The following PGCKA1 variants were observed in gnomAD, a reference collection of about 807,000 sequenced individuals.
The protein encoded by PGCKA1 is PDCD10 and GCKIII kinases-associated protein 1.
At chr4:37,515,476 T>C in the PGCKA1 span, among the ~76,000 whole-genome samples, 11 of 152,308 alleles carry the variant, frequency 7.2e-5, no homozygotes, top group South Asian at 1.5e-3. Context: ...GAAGAATACA[T>C]TGAATGGGAG....
At chr4:37,478,143 C>CAG in the PGCKA1 span, among the ~76,000 whole-genome samples, 1 of 86,978 alleles carries the variant, frequency 1.1e-5, no homozygotes, top group Non-Finnish European at 2.6e-5. Context: ...TTTAAAAACA[C>CAG]CCCCCCCCAC....
At chr4:37,487,852 TTTC>T in the PGCKA1 span, among the ~76,000 whole-genome samples, 1 of 152,224 alleles carries the variant, frequency 6.6e-6, no homozygotes, top group Non-Finnish European at 1.5e-5. Flanking sequence ...CATGTTTCTT[TTTC>T]TTTTTTATTG....
the PGCKA1 span, chr4:37,591,252 T>C: frequency 1.1e-5 from 4 of 380,262 alleles, no homozygotes; most frequent in South Asian, 2.2e-4. Flanking sequence ...ATTGTGCCCA[T>C]ATCCACAGAA....
chr4:37,459,799 CTT>C, the PGCKA1 span, among the ~76,000 whole-genome samples: 7,588 of 136,094 alleles, frequency 0.056, 528 homozygotes, highest in African/African-American at 0.17. Flanking sequence ...AGCTTTCTTT[CTT>C]TTTTTTTTTT....
chr4:37,505,632 G>A, the PGCKA1 span, among the ~76,000 whole-genome samples: 1 of 152,188 alleles, frequency 6.6e-6, no homozygotes, highest in Non-Finnish European at 1.5e-5. Context: ...CAAAGAGAGA[G>A]CTTGCTCAGG....
At chr4:37,527,107 T>G in the PGCKA1 span, among the ~76,000 whole-genome samples, 1 of 151,544 alleles carries the variant, frequency 6.6e-6, no homozygotes, top group Non-Finnish European at 1.5e-5. Context: ...TAAAAAAAAT[T>G]AATTAAAAAA....
chr4:37,483,700 A>AT, the PGCKA1 span, among the ~76,000 whole-genome samples: 1 of 152,060 alleles, frequency 6.6e-6, no homozygotes, highest in South Asian at 2.1e-4. Flanking sequence ...GTGCTTCTGG[A>AT]TTTTTTTTCC....
chr4:37,559,338 G>GC, the PGCKA1 span, among the ~76,000 whole-genome samples: 1 of 134,406 alleles, frequency 7.4e-6, no homozygotes, highest in East Asian at 2.3e-4. Flanking sequence ...GTAAACTATC[G>GC]CAAGAACAAA....
At chr4:37,490,469 A>G in the PGCKA1 span, among the ~76,000 whole-genome samples, 2 of 152,102 alleles carry the variant, frequency 1.3e-5, no homozygotes, top group Non-Finnish European at 2.9e-5. Flanking sequence ...GTTGACTTTA[A>G]TGCAAACGTC....
the PGCKA1 span, among the ~76,000 whole-genome samples, chr4:37,579,811 A>G: frequency 4.6e-5 from 7 of 152,050 alleles, no homozygotes; most frequent in South Asian, 1.5e-3. Context: ...GGATATTGAT[A>G]TATTTCTCTA....
the PGCKA1 span, among the ~76,000 whole-genome samples, chr4:37,529,966 G>T: frequency 6.6e-6 from 1 of 152,040 alleles, no homozygotes; most frequent in Non-Finnish European, 1.5e-5. Flanking sequence ...TATTTGCATT[G>T]TTTTGCTTTG....
chr4:37,464,123 A>G, the PGCKA1 span, among the ~76,000 whole-genome samples: 1 of 152,172 alleles, frequency 6.6e-6, no homozygotes, highest in Non-Finnish European at 1.5e-5. Context: ...CCCTCTATTC[A>G]GTTTAAGTGA....
the PGCKA1 span, among the ~76,000 whole-genome samples, chr4:37,510,350 C>G: frequency 2.6e-5 from 4 of 152,024 alleles, no homozygotes; most frequent in Non-Finnish European, 5.9e-5. Flanking sequence ...TACCCATCCT[C>G]CTTGGGAAGG....
chr4:37,461,982 C>T, the PGCKA1 span, among the ~76,000 whole-genome samples: 1 of 152,016 alleles, frequency 6.6e-6, no homozygotes, highest in Non-Finnish European at 1.5e-5. Flanking sequence ...TCCCAACCTT[C>T]AGGCTGGGAT....
At chr4:37,556,026 G>A in the PGCKA1 span, among the ~76,000 whole-genome samples, 7 of 151,846 alleles carry the variant, frequency 4.6e-5, no homozygotes, top group East Asian at 1.9e-4. Flanking sequence ...TTCTTTCCAC[G>A]TTTCATTAAA....
chr4:37,453,714 A>T, the PGCKA1 span, among the ~76,000 whole-genome samples: 1 of 152,074 alleles, frequency 6.6e-6, no homozygotes, highest in Non-Finnish European at 1.5e-5. Context: ...AGAGGCCAAC[A>T]AGCGCGTGGA....
At chr4:37,591,055 A>T in the PGCKA1 span, 3 of 1,440,984 alleles carry the variant, frequency 2.1e-6, no homozygotes, top group East Asian at 4.6e-5. Flanking sequence ...ATGCAGATGC[A>T]TTTGCTCCCT....
the PGCKA1 span, among the ~76,000 whole-genome samples, chr4:37,572,061 T>C: frequency 4.6e-4 from 54 of 116,786 alleles, no homozygotes; most frequent in African/African-American, 1.4e-3. Flanking sequence ...TTTTTTTTTT[T>C]TCTTTTTTTT....
At chr4:37,547,657 A>G in the PGCKA1 span, among the ~76,000 whole-genome samples, 1 of 152,154 alleles carries the variant, frequency 6.6e-6, no homozygotes, top group African/African-American at 2.4e-5. Flanking sequence ...CACCCAGACC[A>G]GTTTCCACAC....
Sources: allele counts gnomAD v4.1 joint callset (sites outside exome capture counted in the v4.1 genomes callset), GRCh38; gene constraint gnomAD v4.1.1; transcripts MANE v1.5; gene names NCBI Gene and HGNC (gene_info 2026-07-23, HGNC 2026-07-21).